The following OTOF variants were observed in gnomAD, a reference collection of about 807,000 sequenced individuals.
The protein encoded by OTOF is otoferlin, also known as fer-1-like family member 2.
Under a neutral mutation model 236.8 loss-of-function variants are expected in OTOF, and 218 were observed. That is an observed-to-expected ratio of 0.92 (90% CI 0.82 to 1.03). The LOEUF (loss-of-function observed/expected upper bound fraction) is 1.03. OTOF is among the 50% of genes least tolerant of loss of function. The pLI is 0.00. For missense variants in OTOF, 2,590 were observed against 2,694.4 expected (o/e 0.96, Z 0.86); for synonymous variants, 1,041 against 1,072.5 (o/e 0.97, Z 0.57).
chr2:26,524,467 C>T (rs900662565), intron 3 of OTOF, among the ~76,000 whole-genome samples: 1 of 152,234 alleles, frequency 6.6e-6, no homozygotes, highest in Admixed American at 6.5e-5. Flanking sequence ...CGAGACTAGG[C>T]CACTGCACTC....
At chr2:26,481,289 C>T (rs1438495026) in intron 14 of OTOF, among the ~76,000 whole-genome samples, 1 of 152,236 alleles carries the variant, frequency 6.6e-6, no homozygotes, top group East Asian at 1.9e-4. Context: ...CAACAGTCTA[C>T]TTGTAGGACA....
intron 9 of OTOF, among the ~76,000 whole-genome samples, chr2:26,494,657 G>GT (rs934395699): frequency 3.3e-4 from 16 of 47,938 alleles, no homozygotes; most frequent in African/African-American, 1.2e-3. Flanking sequence ...GGAGTGGGGT[G>GT]GGGGGGGGTT....
intron 5 of OTOF, 73 bp downstream of exon 5, chr2:26,516,345 A>G (rs1424384095): frequency 7.2e-6 from 10 of 1,392,012 alleles, no homozygotes; most frequent in Non-Finnish European, 8.0e-6. Flanking sequence ...GAGGCCTGTC[A>G]GTAGGACCAG....
intron 5 of OTOF, among the ~76,000 whole-genome samples, chr2:26,509,743 A>G (rs904923784): frequency 6.6e-5 from 10 of 152,194 alleles, no homozygotes; most frequent in African/African-American, 2.2e-4. Flanking sequence ...GATAAAAAAG[A>G]CCACACTCCT....
At chr2:26,544,978 T>C (rs1667296023) in intron 1 of OTOF, among the ~76,000 whole-genome samples, 1 of 151,436 alleles carries the variant, frequency 6.6e-6, no homozygotes, top group African/African-American at 2.4e-5. Context: ...GAGGCAAAGG[T>C]TGCATTGAAC....
intron 7 of OTOF, 96 bp from the exon 8 acceptor site, chr2:26,501,904 G>A (rs983274500): frequency 9.1e-6 from 8 of 881,450 alleles, no homozygotes; most frequent in African/African-American, 1.6e-5. Flanking sequence ...TGGGCAGAGG[G>A]ACAGAATCAT....
At chr2:26,512,927 G>A (rs887507524) in intron 5 of OTOF, among the ~76,000 whole-genome samples, 1 of 152,192 alleles carries the variant, frequency 6.6e-6, no homozygotes, top group African/African-American at 2.4e-5. Context: ...GGGGAGGGGG[G>A]TTCCCAATAG....
intron 1 of OTOF, among the ~76,000 whole-genome samples, chr2:26,553,624 C>A (rs75603208): frequency 1.3e-5 from 2 of 152,218 alleles, no homozygotes; most frequent in South Asian, 4.1e-4. Context: ...TGAGCCACCA[C>A]GCCTGGCCCT....
intron 9 of OTOF, among the ~76,000 whole-genome samples, chr2:26,490,639 A>C (rs1051605871): frequency 1.3e-5 from 2 of 152,162 alleles, no homozygotes; most frequent in Non-Finnish European, 2.9e-5. Flanking sequence ...GCCCTTGAGC[A>C]CTGAGGGTAA....
At chr2:26,472,288 A>G in intron 30 of OTOF, 2 of 584,726 alleles carry the variant, frequency 3.4e-6, no homozygotes, top group Non-Finnish European at 6.3e-6. Context: ...TGCACACCAC[A>G]CACATGCGCA....
At chr2:26,458,277 C>T in intron 46 of OTOF, 57 bp from the exon 47 acceptor site, 2 of 1,511,382 alleles carry the variant, frequency 1.3e-6, no homozygotes, top group Non-Finnish European at 1.8e-6. Context: ...CCTCCCAGTG[C>T]ACCCCATCCT....
Position 26,473,631 on chromosome 2 carries a change from G to A in OTOF, c.3409-64C>T. On this transcript the variant is annotated intron_variant, in intron 27 of 46. Transcript: ENST00000272371. This position sits in a 1 kb window ranked among gnomAD's most constrained non-coding sequence, Gnocchi z 7.2. ...CCTTAGTCAAGGGAGCCAGCCATGG[G>A]GGTGCTGGACCATCCAATAGGGAAC... The A allele has an allele frequency of 1.3e-6, 2 of 1,525,676 alleles. No individual in the cohort carries two copies. Among genetic ancestry groups the A allele is most frequent in the Non-Finnish European group, 1.8e-6 (2 of 1,133,210 alleles). 94.5% of individuals were successfully genotyped at this position (1,525,676 alleles called of 1,614,324 possible). A position where few individuals can be genotyped will look rare whatever the true frequency, so the allele number is the denominator to read the frequency against.
At chr2:26,494,660 G>C (rs930380208) in intron 9 of OTOF, among the ~76,000 whole-genome samples, 1 of 136,552 alleles carries the variant, frequency 7.3e-6, no homozygotes, top group Non-Finnish European at 1.6e-5. Flanking sequence ...GTGGGGTGGG[G>C]GGGGGTTCTT....
intron 1 of OTOF, among the ~76,000 whole-genome samples, chr2:26,548,729 A>G (rs974915774): frequency 7.9e-5 from 12 of 152,262 alleles, no homozygotes; most frequent in African/African-American, 2.9e-4. Context: ...TACGTTCTGT[A>G]CACGTTTGTG....
In OTOF at chr2:26,458,281, C is replaced by T. The variant is rs903808283; in HGVS notation, c.*18-61G>A. ...GGCAGGAGCTGCCTCCCAGTGCACC[C>T]CATCCTCTGTCCTTCTGGACCCCCA... On this transcript the variant is annotated intron_variant, in intron 46 of 46. Coordinates refer to ENST00000272371, the MANE Select transcript of OTOF (RefSeq NM_194248.3). 3 of 1,503,370 alleles carry T rather than the reference C, an allele frequency of 2.0e-6. No individual in the cohort carries two copies. In the African/African-American group the frequency reaches 4.2e-5, roughly 21 times the overall value. The allele number at this position is 1,503,370 out of a possible 1,614,324, so 93.1% of individuals were successfully genotyped here.
intron 3 of OTOF, among the ~76,000 whole-genome samples, chr2:26,522,503 C>A (rs1666701075): frequency 6.6e-6 from 1 of 152,226 alleles, no homozygotes; most frequent in African/African-American, 2.4e-5. Flanking sequence ...CCAGAGGCGA[C>A]CCTGCCCGCC....
At chr2:26,535,276 C>T (rs1667042789) in intron 2 of OTOF, among the ~76,000 whole-genome samples, 1 of 152,166 alleles carries the variant, frequency 6.6e-6, no homozygotes, top group Non-Finnish European at 1.5e-5. Context: ...CTGGCTTGGC[C>T]GCTTCCAGCT....
At chr2:26,498,948 C>A (rs1666053537) in intron 8 of OTOF, among the ~76,000 whole-genome samples, 1 of 152,006 alleles carries the variant, frequency 6.6e-6, no homozygotes, top group African/African-American at 2.4e-5. Flanking sequence ...GTGGAGGAGG[C>A]AATATGAGGG....
intron 3 of OTOF, among the ~76,000 whole-genome samples, chr2:26,526,291 T>C (rs532102726): frequency 9.9e-5 from 15 of 150,962 alleles, no homozygotes; most frequent in African/African-American, 3.4e-4. Flanking sequence ...AGTGGATGGA[T>C]AGGATGAATG....
Sources: allele counts gnomAD v4.1 joint callset (sites outside exome capture counted in the v4.1 genomes callset), GRCh38; gene constraint gnomAD v4.1.1; non-coding constraint Gnocchi (gnomAD v3.1); transcripts MANE v1.5; gene names NCBI Gene and HGNC (gene_info 2026-07-23, HGNC 2026-07-21).